The following TENM4 variants were observed in gnomAD, a reference collection of about 807,000 sequenced individuals.
TENM4 encodes the protein teneurin transmembrane protein 4.
TENM4 carries 82 observed loss-of-function variants against 243.3 expected under a neutral mutation model. That is an observed-to-expected ratio of 0.34 (90% CI 0.28 to 0.40). The LOEUF (loss-of-function observed/expected upper bound fraction) is 0.40. Ranked by LOEUF, TENM4 falls within the 10% of genes least tolerant of loss-of-function variation. TENM4 has a pLI of 1.00. For synonymous variants in TENM4, 1,412 were observed against 1,456.3 expected (o/e 0.97, Z 0.69); for missense variants, 3,138 against 3,673.3 (o/e 0.85, Z 3.77).
intron 4 of TENM4, among the ~76,000 whole-genome samples, chr11:79,133,495 C>T (rs982930370): frequency 6.6e-6 from 1 of 152,142 alleles, no homozygotes; most frequent in African/African-American, 2.4e-5. Flanking sequence ...CTCCCTAATT[C>T]ATTCTATGAA....
chr11:79,433,427 T>A (rs1859208186), intron 1 of TENM4, among the ~76,000 whole-genome samples: 1 of 152,272 alleles, frequency 6.6e-6, no homozygotes, highest in Admixed American at 6.5e-5. Flanking sequence ...AAAACTGGCA[T>A]CAGGAATTGG....
chr11:79,325,324 G>A (rs1856956455), intron 1 of TENM4, among the ~76,000 whole-genome samples: 1 of 152,228 alleles, frequency 6.6e-6, no homozygotes, highest in South Asian at 2.1e-4. Context: ...CACTATAAAG[G>A]AGGAATGACC....
intron 6 of TENM4, among the ~76,000 whole-genome samples, chr11:78,918,380 T>C (rs1057138381): frequency 5.9e-5 from 9 of 152,002 alleles, no homozygotes; most frequent in Non-Finnish European, 1.2e-4. Context: ...CCTGGGCTTA[T>C]TCCCCAAGTT....
rs1382984670 is a variant in TENM4 at position 78,777,385 on chromosome 11, C to T, written c.2392+1217G>A. Among the ~76,000 whole-genome samples the T allele has an allele frequency of 5.9e-5, 9 of 152,274 alleles. No individual in the cohort carries two copies. In the South Asian group the frequency reaches 1.5e-3, roughly 25 times the overall value. On this transcript the variant is annotated intron_variant, in intron 17 of 33. Transcript: ENST00000278550. ...TTTAGTCAGTTATGTTTCCCCAAAACCCTTTCCATAAGTTTTAAAACAGCT... is the reference window on the plus strand; with the variant it reads ...TTTAGTCAGTTATGTTTCCCCAAAATCCTTTCCATAAGTTTTAAAACAGCT...
rs1555098074 is a variant in TENM4 at position 78,895,005 on chromosome 11, A to AAAT, written c.750-3670_750-3669insATT. Reference sequence around the variant, plus strand: ...AAAAAAAAAAAAAAAAAAAAAAAAAAAAGAAGACAATTCTGGCTATTCAGA... The same window carrying AAAT: ...AAAAAAAAAAAAAAAAAAAAAAAAAAAATAAGAAGACAATTCTGGCTATTCAGA... On this transcript the variant is annotated intron_variant, in intron 7 of 33. Transcript: ENST00000278550. Among the ~76,000 whole-genome samples the AAAT allele has an allele frequency of 5.9e-5, 7 of 118,042 alleles. No individual in the cohort carries two copies. The South Asian group carries it at 8.9e-4, about 15-fold the overall frequency. The allele number at this position is 118,042 out of a possible 152,430, so 77.4% of individuals were successfully genotyped here. A position where few individuals can be genotyped will look rare whatever the true frequency, so the allele number is the denominator to read the frequency against.
intron 1 of TENM4, among the ~76,000 whole-genome samples, chr11:79,409,567 C>A (rs578125073): frequency 6.6e-6 from 1 of 152,112 alleles, no homozygotes; most frequent in Non-Finnish European, 1.5e-5. Flanking sequence ...GAATAGCCCC[C>A]CCGGAACCAT....
chr11:79,347,657 G>C (rs1107993), intron 1 of TENM4, among the ~76,000 whole-genome samples: 1 of 151,980 alleles, frequency 6.6e-6, no homozygotes, highest in Non-Finnish European at 1.5e-5. Flanking sequence ...GCTTAGCATA[G>C]GGACCTATGC....
intron 30 of TENM4, among the ~76,000 whole-genome samples, chr11:78,673,697 A>G (rs1858393306): frequency 6.6e-6 from 1 of 152,226 alleles, no homozygotes; most frequent in African/African-American, 2.4e-5. Flanking sequence ...GGCACATAGA[A>G]GGTACTGAAT....
chr11:79,356,641 GATAAT>G (rs955972242), intron 1 of TENM4, among the ~76,000 whole-genome samples: 1 of 152,058 alleles, frequency 6.6e-6, no homozygotes, highest in Non-Finnish European at 1.5e-5. Flanking sequence ...GATCAAGAAA[GATAAT>G]AGATAACGAA....
At chr11:79,428,600 T>A (rs975355839) in intron 1 of TENM4, among the ~76,000 whole-genome samples, 3 of 152,148 alleles carry the variant, frequency 2.0e-5, no homozygotes, top group Non-Finnish European at 2.9e-5. Flanking sequence ...GTCAAAGGAC[T>A]ATCATGACAT....
At chr11:78,735,850 C>T (rs1855775837) in intron 20 of TENM4, among the ~76,000 whole-genome samples, 1 of 150,224 alleles carries the variant, frequency 6.7e-6, no homozygotes, top group Non-Finnish European at 1.5e-5. Context: ...CCCTCCCCTC[C>T]CCTCCTCTCC....
At chr11:78,956,856 T>C (rs917317331) in intron 6 of TENM4, among the ~76,000 whole-genome samples, 3 of 152,222 alleles carry the variant, frequency 2.0e-5, no homozygotes, top group African/African-American at 4.8e-5. Flanking sequence ...ATGTGTTTGA[T>C]TACTGCAGGA....
intron 18 of TENM4, among the ~76,000 whole-genome samples, chr11:78,765,753 A>G (rs1421702876): frequency 6.6e-6 from 1 of 152,192 alleles, no homozygotes; most frequent in African/African-American, 2.4e-5. Flanking sequence ...TGTGCCTTGC[A>G]ACTTTGTTGT....
chr11:79,186,347 G>A (rs979237010), intron 3 of TENM4, among the ~76,000 whole-genome samples: 3 of 152,130 alleles, frequency 2.0e-5, no homozygotes, highest in African/African-American at 7.2e-5. Flanking sequence ...GCCATCAACA[G>A]GGCCTTGTAG....
At chr11:79,153,977 T>C (rs554820637) in intron 3 of TENM4, among the ~76,000 whole-genome samples, 6 of 152,274 alleles carry the variant, frequency 3.9e-5, no homozygotes, top group African/African-American at 1.2e-4. Flanking sequence ...CCTTACCAGA[T>C]TGCTTTCAGA....
intron 14 of TENM4, among the ~76,000 whole-genome samples, chr11:78,805,736 C>T (rs1005206846): frequency 1.3e-5 from 2 of 152,166 alleles, no homozygotes; most frequent in African/African-American, 2.4e-5. Context: ...TCTCAAGCAT[C>T]AGCATAGCAC....
chr11:78,921,073 G>T (rs1441392685), intron 6 of TENM4, among the ~76,000 whole-genome samples: 1 of 152,182 alleles, frequency 6.6e-6, no homozygotes, highest in Non-Finnish European at 1.5e-5. Flanking sequence ...TCCAATAAGT[G>T]GTGGATTCAA....
chr11:79,157,352 T>G (rs1192449399), intron 3 of TENM4, among the ~76,000 whole-genome samples: 1 of 152,176 alleles, frequency 6.6e-6, no homozygotes, highest in Non-Finnish European at 1.5e-5. Context: ...CAATAATCTG[T>G]GCTGCAACGT....
At chr11:78,660,820 CTG>C (rs1251771033) in intron 33 of TENM4, among the ~76,000 whole-genome samples, 1 of 152,140 alleles carries the variant, frequency 6.6e-6, no homozygotes. Context: ...TGGGATGAGA[CTG>C]TTTTTAAAGA....
Sources: allele counts gnomAD v4.1 joint callset (sites outside exome capture counted in the v4.1 genomes callset), GRCh38; gene constraint gnomAD v4.1.1; transcripts MANE v1.5; gene names NCBI Gene and HGNC (gene_info 2026-07-23, HGNC 2026-07-21).